The following ADAMTS17 variants were observed in gnomAD, a reference collection of about 807,000 sequenced individuals.
The protein encoded by ADAMTS17 is A disintegrin and metalloproteinase with thrombospondin motifs 17.
A neutral mutation model predicts 141.5 loss-of-function variants in ADAMTS17; 113 were observed. The ratio of observed to expected loss-of-function variants is 0.80; its 90% confidence interval spans 0.69 to 0.93. ADAMTS17 has a LOEUF of 0.93. Among genes scored for constraint, ADAMTS17 ranks in the 40% least tolerant of loss-of-function variants. The pLI is 0.00. For synonymous variants in ADAMTS17, 768 were observed against 630.6 expected (o/e 1.22, Z -3.27); for missense variants, 1,659 against 1,517.9 (o/e 1.09, Z -1.54).
At chr15:100,174,689 G>T (rs1002383464) in intron 8 of ADAMTS17, among the ~76,000 whole-genome samples, 1 of 152,086 alleles carries the variant, frequency 6.6e-6, no homozygotes, top group African/African-American at 2.4e-5. Flanking sequence ...TATTCTTTTG[G>T]CTGTCTTAAT....
chr15:100,209,157 TCAAAA>T (rs1266708124), intron 7 of ADAMTS17, among the ~76,000 whole-genome samples: 1 of 141,710 alleles, frequency 7.1e-6, no homozygotes, highest in Non-Finnish European at 1.5e-5. Context: ...AAAAGGATTC[TCAAAA>T]CAAGTAACCG....
intron 7 of ADAMTS17, among the ~76,000 whole-genome samples, chr15:100,227,831 G>A (rs1049902349): frequency 1.3e-5 from 2 of 152,214 alleles, no homozygotes; most frequent in South Asian, 4.1e-4. Flanking sequence ...ACCTGAGGGT[G>A]GGCACACAGC....
In ADAMTS17 at chr15:100,242,771, T is replaced by C. The variant is rs145581925; in HGVS notation, c.1075+11365A>G. Among the ~76,000 whole-genome samples the C allele has an allele frequency of 6.7e-3, 1,013 of 152,294 alleles. 7 individuals carry two copies. The highest frequency in any genetic ancestry group is 0.055 in the South Asian group (264 of 4,824). ...CTCAAAGAAGTGCTAGAAAATAAAA[T>C]TCACAACACTGCTCCCTCTGTCATC... On this transcript the variant is annotated intron_variant, in intron 7 of 21. Transcript: ENST00000268070.
chr15:100,249,209 T>C (rs1242041330), intron 7 of ADAMTS17, among the ~76,000 whole-genome samples: 2 of 152,156 alleles, frequency 1.3e-5, no homozygotes, highest in African/African-American at 2.4e-5. Context: ...ATCAGGGCCT[T>C]GGAAACGCCA....
At chr15:100,192,848 C>G (rs2040969019) in intron 8 of ADAMTS17, among the ~76,000 whole-genome samples, 1 of 152,138 alleles carries the variant, frequency 6.6e-6, no homozygotes, top group African/African-American at 2.4e-5. Context: ...ATTTCCCCCA[C>G]ATGGCTCTCC....
chr15:100,065,868 C>T (rs1248423981), intron 15 of ADAMTS17, among the ~76,000 whole-genome samples: 4 of 152,218 alleles, frequency 2.6e-5, no homozygotes, highest in Non-Finnish European at 5.9e-5. Context: ...CTCTCCCTCC[C>T]CTTTTCCCCC....
chr15:100,128,738 C>G (rs534849367), intron 12 of ADAMTS17: 2 of 152,186 alleles, frequency 1.3e-5, no homozygotes, highest in Non-Finnish European at 2.9e-5. Context: ...GCAGGCCAGG[C>G]CAGCGAGAGT....
At chr15:100,286,917 C>T (rs545309768) in intron 3 of ADAMTS17, among the ~76,000 whole-genome samples, 13 of 152,302 alleles carry the variant, frequency 8.5e-5, no homozygotes, top group African/African-American at 2.2e-4. Flanking sequence ...AAAGATGAAA[C>T]GGCCATTATA....
At chr15:100,249,019 A>G (rs926200838) in intron 7 of ADAMTS17, among the ~76,000 whole-genome samples, 5 of 151,886 alleles carry the variant, frequency 3.3e-5, no homozygotes, top group African/African-American at 9.7e-5. Context: ...GGCTGGTCTC[A>G]AATTCTTGAC....
chr15:100,062,431 A>C (rs2033195519), intron 15 of ADAMTS17, among the ~76,000 whole-genome samples: 1 of 152,174 alleles, frequency 6.6e-6, no homozygotes. Context: ...CAGGTGTGCG[A>C]GGAGCATCTT....
At position 100,189,984 on chromosome 15, in the gene ADAMTS17, G is replaced by A. The variant is rs189303209; in HGVS notation, c.1181+9334C>T. On this transcript the variant is annotated intron_variant, in intron 8 of 21. Coordinates refer to ENST00000268070, the MANE Select transcript of ADAMTS17 (RefSeq NM_139057.4). The stretch of plus-strand genomic sequence containing the variant: ...AGACTCTTCCCCAGCTCAGTTCAAC[G>A]CTGACCAGCCTGCCTTCCTCTCATT... 2.4e-4 allele frequency among the ~76,000 whole-genome samples: 36 copies of A among 152,240 alleles called. No homozygotes were observed. The East Asian group carries it at 6.0e-3, about 25-fold the overall frequency.
rs1468254874 is a variant in ADAMTS17, at chr15:100,335,662, GCA to G, written c.451-4610_451-4609del. On this transcript the variant is annotated intron_variant, in intron 2 of 21. Transcript: ENST00000268070. ...AACTAGAAAAGTCTGGGAACAGCCT[GCA>G]GGGCAGGAGAAGCGGCCTGTTTTTA... Among the ~76,000 whole-genome samples the G allele has an allele frequency of 3.5e-3, 536 of 152,346 alleles. 3 individuals are homozygous for G. Among genetic ancestry groups the G allele is most frequent in the African/African-American group, 0.012 (501 of 41,566 alleles).
intron 8 of ADAMTS17, among the ~76,000 whole-genome samples, chr15:100,178,746 C>T (rs932205979): frequency 2.2e-4 from 33 of 152,240 alleles, no homozygotes; most frequent in African/African-American, 7.7e-4. Context: ...TTACTAGCAA[C>T]AAATTCTATT....
intron 2 of ADAMTS17, among the ~76,000 whole-genome samples, chr15:100,334,101 A>G (rs939560094): frequency 6.6e-6 from 1 of 152,154 alleles, no homozygotes; most frequent in Non-Finnish European, 1.5e-5. Flanking sequence ...CTTGCTTTGA[A>G]GGGTTCTATT....
At chr15:100,279,448 C>T (rs921791449) in intron 4 of ADAMTS17, among the ~76,000 whole-genome samples, 2 of 152,260 alleles carry the variant, frequency 1.3e-5, no homozygotes, top group African/African-American at 4.8e-5. Context: ...CTCCCTACCC[C>T]ACAACCCACG....
chr15:100,294,019 G>A (rs2044727727), intron 3 of ADAMTS17, among the ~76,000 whole-genome samples: 1 of 152,140 alleles, frequency 6.6e-6, no homozygotes, highest in East Asian at 1.9e-4. Flanking sequence ...GGGTGACAGT[G>A]GGTGAGTTTC....
intron 4 of ADAMTS17, among the ~76,000 whole-genome samples, chr15:100,277,424 G>A (rs2044136476): frequency 6.6e-6 from 1 of 152,086 alleles, no homozygotes; most frequent in Non-Finnish European, 1.5e-5. Flanking sequence ...ACCCCTGCCT[G>A]GATGATAAAT....
chr15:100,092,032 CT>C (rs2140998301), intron 15 of ADAMTS17, among the ~76,000 whole-genome samples: 1 of 152,298 alleles, frequency 6.6e-6, no homozygotes, highest in Admixed American at 6.5e-5. Flanking sequence ...CCAAATGCCC[CT>C]CTGCCTGTAG....
intron 14 of ADAMTS17, among the ~76,000 whole-genome samples, chr15:100,101,897 G>A (rs551382970): frequency 2.6e-5 from 4 of 152,320 alleles, no homozygotes; most frequent in East Asian, 3.9e-4. Flanking sequence ...ACTTTTAAGC[G>A]AGTGCAGATT....
Sources: allele counts gnomAD v4.1 joint callset (sites outside exome capture counted in the v4.1 genomes callset), GRCh38; gene constraint gnomAD v4.1.1; transcripts MANE v1.5; gene names NCBI Gene and HGNC (gene_info 2026-07-23, HGNC 2026-07-21).